Variants in ZIM2 observed in about 807,000 individuals in gnomAD.
ZIM2 encodes the protein zinc finger protein 656.
Under a neutral mutation model 38.6 loss-of-function variants are expected in ZIM2, and 14 were observed. The ratio of observed to expected loss-of-function variants is 0.36; its 90% CI spans 0.24 to 0.57. The LOEUF is 0.57. Ranked by LOEUF, ZIM2 falls within the 20% of genes least tolerant of loss-of-function variation. ZIM2 has a pLI of 0.81. For missense variants in ZIM2, 680 were observed against 695.1 expected, an observed-to-expected ratio of 0.98 and a Z score of 0.24; for synonymous variants, 247 against 245.8, an observed-to-expected ratio of 1.00 and a Z score of -0.04.
chr19:56,834,144 T>C (rs796752203), intron 2 of ZIM2, among the ~76,000 whole-genome samples: 4 of 152,282 alleles, frequency 2.6e-5, no homozygotes, highest in African/African-American at 9.6e-5. Context: ...CTAATAACAA[T>C]AATTGGCTCA....
chr19:56,775,265 G>A lies in ZIM2; in HGVS notation c.1100C>T (p.Thr367Ile), dbSNP rs750607483. 9.3e-6 allele frequency: 15 copies of A among 1,614,120 alleles called. 1 individual carries two copies. In the East Asian group the frequency reaches 1.6e-4, roughly 17 times the overall value. ...KHNRCEFCKR[T>I]FSTQVALRRH... Reference sequence around the variant, plus strand: ...CCTAAGGGCTACTTGCGTACTAAAGGTTCGTTTGCAAAATTCACATCTGTT... The same window carrying A: ...CCTAAGGGCTACTTGCGTACTAAAGATTCGTTTGCAAAATTCACATCTGTT... Residue 367 changes from threonine (T) to isoleucine (I), a missense_variant, in exon 13 of 13, where the codon ACC becomes ATC. Physicochemically the swap from Thr to Ile is moderately conservative, Grantham distance 89. Transcript: ENST00000629319.
intron 10 of ZIM2, among the ~76,000 whole-genome samples, chr19:56,788,062 C>T (rs1043610783): frequency 2.0e-5 from 3 of 149,108 alleles, no homozygotes; most frequent in Admixed American, 1.3e-4. Context: ...CTCCTGGAGT[C>T]ATTGATTTTT....
At chr19:56,813,943 A>C (rs2059728994) in intron 9 of ZIM2, 1 of 1,614,010 alleles carries the variant, frequency 6.2e-7, no homozygotes, top group Admixed American at 1.7e-5. Flanking sequence ...TGGTTCTTCT[A>C]CCTGAATCTC....
At chr19:56,837,760 C>G (rs1295659172) in intron 1 of ZIM2, among the ~76,000 whole-genome samples, 2 of 152,244 alleles carry the variant, frequency 1.3e-5, no homozygotes, top group African/African-American at 4.8e-5. Context: ...ACCTTGAAAT[C>G]CCCTCAGCCC....
At chr19:56,779,612 C>A (rs777868442) in intron 11 of ZIM2, 140 bp from the exon 12 acceptor site, 5 of 726,192 alleles carry the variant, frequency 6.9e-6, no homozygotes, top group Admixed American at 2.7e-5. Flanking sequence ...GATTTTACCC[C>A]CTAAGGGACA....
chr19:56,775,245 G>C lies in ZIM2; in HGVS notation c.1120C>G (p.Leu374Val), dbSNP rs200679948. 10 of 1,614,096 alleles carry C rather than the reference G, an allele frequency of 6.2e-6. No homozygotes were observed. Among genetic ancestry groups the C allele is most frequent in the Non-Finnish European group, 8.5e-6 (10 of 1,180,032 alleles). Residue 374 changes from leucine to valine, a missense_variant, in exon 13 of 13, where the codon CTT (leucine) becomes GTT (valine). Coordinates refer to ENST00000629319, the MANE Select transcript of ZIM2 (RefSeq NM_001387356.1). ...CKRTFSTQVA[L>V]RRHERIHTGK... is the part of the protein sequence containing the mutation. ...GTATGGATCCGTTCGTGTCTCCTAA[G>C]GGCTACTTGCGTACTAAAGGTTCGT...
chr19:56,778,549 T>G (rs1350635475), intron 12 of ZIM2, among the ~76,000 whole-genome samples: 9 of 152,232 alleles, frequency 5.9e-5, no homozygotes, highest in Admixed American at 5.9e-4. Flanking sequence ...ACACCAGCTC[T>G]TTCTTGCTCC....
chr19:56,833,055 G>C (rs2061726658), intron 2 of ZIM2: 1 of 439,370 alleles, frequency 2.3e-6, no homozygotes, highest in African/African-American at 2.0e-5. Context: ...GAAATGATGG[G>C]TCAGTGTTCA....
Position 56,820,620 on chromosome 19 carries a change from C to T in ZIM2, c.294+1031G>A, listed in dbSNP as rs74688367. Among the ~76,000 whole-genome samples the T allele has an allele frequency of 3.5e-3, 532 of 152,332 alleles. 8 individuals carry two copies. The highest frequency in any genetic ancestry group is 0.012 in the African/African-American group (500 of 41,584). Reference sequence around the variant, plus strand: ...AACACCTGACCCGGCGTGCTCCTGGCTCTAAATGGCAACTGTTAATGCCTC... The same window carrying T: ...AACACCTGACCCGGCGTGCTCCTGGTTCTAAATGGCAACTGTTAATGCCTC... On this transcript the variant is annotated intron_variant, in intron 7 of 12. Coordinates refer to ENST00000629319, the MANE Select transcript of ZIM2 (RefSeq NM_001387356.1).
At chr19:56,827,261 AT>A (rs1352142199) in intron 2 of ZIM2, among the ~76,000 whole-genome samples, 2 of 152,240 alleles carry the variant, frequency 1.3e-5, no homozygotes, top group Non-Finnish European at 2.9e-5. Flanking sequence ...GCCAAAAAAA[AT>A]AAAACACATT....
At position 56,814,974 on chromosome 19, in the gene ZIM2, ATC is replaced by A; in HGVS notation, c.490+2770_490+2771del. The A allele has an allele frequency of 6.2e-7, 1 of 1,614,098 alleles. No homozygotes were observed. Among genetic ancestry groups the A allele is most frequent in the Non-Finnish European group, 8.5e-7 (1 of 1,180,008 alleles). Reference sequence around the variant, plus strand: ...ATTCATACAGCTGCTCTCCAGTGTAATCTCTCTGATACTCGCTGATGGAATGG... The same window carrying A: ...ATTCATACAGCTGCTCTCCAGTGTAATCTCTGATACTCGCTGATGGAATGG... On this transcript the variant is annotated intron_variant, in intron 9 of 12. Transcript: ENST00000629319. The surrounding 1 kb of genome is among the most constrained non-coding windows in gnomAD (Gnocchi z 5.8).
At chr19:56,824,917 T>G in intron 3 of ZIM2, 1 of 413,664 alleles carries the variant, frequency 2.4e-6, no homozygotes, top group South Asian at 5.1e-5. Context: ...ACCTCTGGGC[T>G]TCACAGAGAC....
intron 10 of ZIM2, among the ~76,000 whole-genome samples, chr19:56,787,048 C>G (rs765090089): frequency 1.3e-5 from 2 of 151,646 alleles, no homozygotes; most frequent in East Asian, 3.9e-4. Context: ...GTTGGCCAGG[C>G]TCGTCTTCAA....
chr19:56,789,087 T>C (rs2046787914), intron 10 of ZIM2, among the ~76,000 whole-genome samples: 1 of 152,066 alleles, frequency 6.6e-6, no homozygotes, highest in Non-Finnish European at 1.5e-5. Flanking sequence ...TTGCATTGGG[T>C]TAAAACATGC....
chr19:56,811,660 T>C, intron 9 of ZIM2: 1 of 985,402 alleles, frequency 1.0e-6, no homozygotes, highest in Non-Finnish European at 1.2e-6. Flanking sequence ...ACATCAACAC[T>C]GATTCTCGTT....
chr19:56,808,138 T>C (rs1189766333), intron 9 of ZIM2, among the ~76,000 whole-genome samples: 2 of 152,128 alleles, frequency 1.3e-5, no homozygotes, highest in African/African-American at 4.8e-5. Flanking sequence ...AATTAGTCCT[T>C]TGCTGGCATG....
intron 8 of ZIM2, among the ~76,000 whole-genome samples, chr19:56,818,192 T>C (rs1356740753): frequency 6.6e-6 from 1 of 152,174 alleles, no homozygotes; most frequent in African/African-American, 2.4e-5. Context: ...CCCACTCCCT[T>C]GAGGCCCCAT....
At chr19:56,802,591 C>A (rs2145997794) in intron 9 of ZIM2, among the ~76,000 whole-genome samples, 1 of 152,300 alleles carries the variant, frequency 6.6e-6, no homozygotes. Flanking sequence ...ACTCTATGGT[C>A]CACTCTGCCT....
At chr19:56,795,997 C>T (rs570315332) in intron 9 of ZIM2, among the ~76,000 whole-genome samples, 80 of 152,126 alleles carry the variant, frequency 5.3e-4, no homozygotes, top group Non-Finnish European at 7.8e-4. Flanking sequence ...CAGTGAAAAC[C>T]CTTCCTCACA....
Sources: gnomAD v4.1 joint callset for allele counts (sites outside exome capture counted in the v4.1 genomes callset) on GRCh38, gnomAD v4.1.1 for gene constraint, Gnocchi (gnomAD v3.1) non-coding constraint, MANE v1.5 for transcripts, NCBI Gene and HGNC (gene_info 2026-07-23, HGNC 2026-07-21) for gene names.